VCL: variants seen among roughly 807,000 people sequenced by gnomAD.
The protein encoded by VCL is epididymis luminal protein 114.
VCL carries 47 observed loss-of-function variants against 125.7 expected under a neutral mutation model. That is an observed-to-expected ratio of 0.37 (90% confidence interval 0.30 to 0.48). VCL has a LOEUF of 0.48. Among genes scored for constraint, VCL ranks in the 20% least tolerant of loss-of-function variants. The probability of loss-of-function intolerance (pLI) is 0.99; values close to 1 mark genes in which losing one functional copy is unlikely to be tolerated. For synonymous variants in VCL, 458 were observed against 514.6 expected (o/e 0.89, Z 1.49); for missense variants, 1,069 against 1,455.5 (o/e 0.73, Z 4.32).
chr10:74,099,091 C>T (rs959763165), intron 13 of VCL, among the ~76,000 whole-genome samples: 1 of 152,222 alleles, frequency 6.6e-6, no homozygotes, highest in Admixed American at 6.5e-5. Flanking sequence ...CTGCATAGCT[C>T]TAACTGGTCT....
chr10:74,070,959 T>C lies in VCL; in HGVS notation c.391-16T>C. The C allele has an allele frequency of 6.2e-7, 1 of 1,614,006 alleles. No individual in the cohort carries two copies. Among genetic ancestry groups the C allele is most frequent in the East Asian group, 2.2e-5 (1 of 44,866 alleles). On this transcript the variant is annotated splice_polypyrimidine_tract_variant and intron_variant, in intron 3 of 21. Transcript: ENST00000211998. ...TGTCCACCCATGTGATTGAATACTCTGAAATATTTTTTCAGGTCCGTAAAA... is the reference window on the plus strand; with the variant it reads ...TGTCCACCCATGTGATTGAATACTCCGAAATATTTTTTCAGGTCCGTAAAA...
At chr10:74,076,107 T>G (rs1839580787) in intron 6 of VCL, 1 of 152,658 alleles carries the variant, frequency 6.6e-6, no homozygotes, top group African/African-American at 2.4e-5. Context: ...TTCTCACGTT[T>G]AGAAGGTAAG....
At chr10:74,003,214 A>C (rs1438950348) in intron 1 of VCL, among the ~76,000 whole-genome samples, 1 of 152,064 alleles carries the variant, frequency 6.6e-6, no homozygotes, top group Non-Finnish European at 1.5e-5. Flanking sequence ...CAGGGATTAC[A>C]GGCATGTACC....
rs397517242 is a variant in VCL at position 74,118,091 on chromosome 10, T to C, written c.3327T>C (p.Ala1109=). 8 of 1,614,154 alleles carry C rather than the reference T, an allele frequency of 5.0e-6. 1 individual carries two copies. In the South Asian group the frequency reaches 8.8e-5, roughly 18 times the overall value. Residue 1109 remains alanine, a synonymous_variant, in exon 22 of 22, where the codon GCT becomes GCC. Transcript: ENST00000211998. ...CTGTGAAGGAGACTGTGCGGGAAGC[T>C]GAAGCTGCTTCAATCAAAATTCGAA... ...MQSVKETVRE[A]EAASIKIRTD...
rs766087443 is a variant in VCL, at chr10:74,095,867, G to A, written c.1743+12G>A. Reference sequence around the variant, plus strand: ...AAGACTCCTTAAAGGTAGAAGTCAGGAGCACATATCATTTTACTTTTTATG... The same window carrying A: ...AAGACTCCTTAAAGGTAGAAGTCAGAAGCACATATCATTTTACTTTTTATG... On this transcript the variant is annotated intron_variant, in intron 12 of 21. Coordinates refer to ENST00000211998, the MANE Select transcript of VCL (RefSeq NM_014000.3). The A allele has an allele frequency of 5.0e-6, 8 of 1,612,284 alleles. 1 individual carries two copies. The South Asian group carries it at 5.5e-5, about 11-fold the overall frequency.
chr10:74,116,993 A>G (rs999285621), intron 21 of VCL, among the ~76,000 whole-genome samples: 2 of 152,182 alleles, frequency 1.3e-5, no homozygotes, highest in African/African-American at 4.8e-5. Context: ...AGAATTACTG[A>G]GCTGATGAAT....
intron 1 of VCL, chr10:74,005,256 T>C (rs186785970): frequency 6.6e-6 from 1 of 152,160 alleles, no homozygotes; most frequent in East Asian, 1.9e-4. Flanking sequence ...TATGTATTTT[T>C]CTTTTTTTTC....
intron 2 of VCL, among the ~76,000 whole-genome samples, chr10:74,048,622 A>G (rs1011460753): frequency 3.3e-5 from 5 of 152,110 alleles, no homozygotes; most frequent in Non-Finnish European, 7.3e-5. Flanking sequence ...GTAATGTTTT[A>G]TATATAATTG....
chr10:74,028,309 C>T (rs1840811368), intron 1 of VCL, among the ~76,000 whole-genome samples: 1 of 151,696 alleles, frequency 6.6e-6, no homozygotes, highest in Non-Finnish European at 1.5e-5. Context: ...GTCTCAAACT[C>T]CTGGCTTCAA....
intron 2 of VCL, among the ~76,000 whole-genome samples, chr10:74,043,753 A>G (rs1841141837): frequency 6.6e-6 from 1 of 152,206 alleles, no homozygotes; most frequent in Non-Finnish European, 1.5e-5. Flanking sequence ...ATGAATCTAC[A>G]TTGTATACTA....
At chr10:74,018,668 G>GTTAAAAA (rs1413594031) in intron 1 of VCL, among the ~76,000 whole-genome samples, 19 of 152,152 alleles carry the variant, frequency 1.2e-4, no homozygotes, top group Admixed American at 1.2e-3. Context: ...AAGGGACTCA[G>GTTAAAAA]ACGACATAAA....
chr10:74,020,018 G>A (rs962544596), intron 1 of VCL, among the ~76,000 whole-genome samples: 8 of 151,408 alleles, frequency 5.3e-5, no homozygotes, highest in Admixed American at 1.3e-4. Flanking sequence ...CGCCGAGATC[G>A]CGACATTGCA....
At chr10:74,101,218 G>A in intron 14 of VCL, 121 bp downstream of exon 14, 9 of 1,379,134 alleles carry the variant, frequency 6.5e-6, no homozygotes, top group South Asian at 5.0e-5. Flanking sequence ...AGGCCAGCAC[G>A]GTAGCACCTA....
At chr10:74,042,460 AAT>A (rs1162852692) in intron 1 of VCL, among the ~76,000 whole-genome samples, 2 of 152,200 alleles carry the variant, frequency 1.3e-5, no homozygotes, top group East Asian at 3.8e-4. Flanking sequence ...TTCCAAAGAG[AAT>A]ATGTCAGTTT....
chr10:74,084,023 C>T (rs369472932), intron 8 of VCL, among the ~76,000 whole-genome samples: 1 of 152,140 alleles, frequency 6.6e-6, no homozygotes, highest in South Asian at 2.1e-4. Context: ...CCCGCCACCA[C>T]GACCAGCTAA....
At chr10:74,047,987 C>A (rs184536808) in intron 2 of VCL, among the ~76,000 whole-genome samples, 117 of 152,256 alleles carry the variant, frequency 7.7e-4, no homozygotes, top group African/African-American at 2.6e-3. Context: ...GCTGCACTGG[C>A]AGATAGAGCT....
intron 1 of VCL, among the ~76,000 whole-genome samples, chr10:74,015,780 G>A (rs1840526857): frequency 6.6e-6 from 1 of 151,544 alleles, no homozygotes; most frequent in South Asian, 2.1e-4. Flanking sequence ...CGCCTCCCAG[G>A]TTCAAGCGAT....
chr10:74,089,414 C>A, intron 9 of VCL, 65 bp downstream of exon 9: 1 of 1,599,818 alleles, frequency 6.3e-7, no homozygotes, highest in Non-Finnish European at 8.5e-7. Flanking sequence ...CATAAATATC[C>A]TATCTTTCTT....
At chr10:74,011,353 T>C (rs1436237926) in intron 1 of VCL, among the ~76,000 whole-genome samples, 1 of 152,064 alleles carries the variant, frequency 6.6e-6, no homozygotes, top group Non-Finnish European at 1.5e-5. Flanking sequence ...AAATGTAGAT[T>C]TTATGTCCTC....
Sources: allele counts gnomAD v4.1 joint callset (sites outside exome capture counted in the v4.1 genomes callset), GRCh38; gene constraint gnomAD v4.1.1; transcripts MANE v1.5; gene names NCBI Gene and HGNC (gene_info 2026-07-23, HGNC 2026-07-21).